The following ST3GAL3 variants were observed in gnomAD, a reference collection of about 807,000 sequenced individuals.
ST3GAL3 encodes the protein CMP-N-acetylneuraminate-beta-1,4-galactoside alpha-2,3-sialyltransferase.
ST3GAL3 carries 21 observed loss-of-function variants against 50.1 expected under a neutral mutation model. The observed-to-expected ratio is 0.42, with a 90% CI of 0.30 to 0.60. ST3GAL3 has a LOEUF of 0.60. Among genes scored for constraint, ST3GAL3 ranks in the 20% least tolerant of loss-of-function variants. ST3GAL3 has a pLI of 0.19. For synonymous variants in ST3GAL3, 183 were observed against 190.0 expected, an observed-to-expected ratio of 0.96 and a Z score of 0.30; for missense variants, 353 against 489.4, an observed-to-expected ratio of 0.72 and a Z score of 2.63.
At chr1:43,875,789 C>T (rs978042197) in intron 5 of ST3GAL3, among the ~76,000 whole-genome samples, 4 of 152,010 alleles carry the variant, frequency 2.6e-5, no homozygotes, top group Admixed American at 1.3e-4. Context: ...TTTATAGCAG[C>T]GTGAGAACAG....
At chr1:43,901,463 C>G (rs1178788906) in intron 9 of ST3GAL3, among the ~76,000 whole-genome samples, 1 of 152,238 alleles carries the variant, frequency 6.6e-6, no homozygotes, top group African/African-American at 2.4e-5. Context: ...GGTGTTATCA[C>G]ATGTTCCTTC....
chr1:43,845,522 C>A (rs1379614426), intron 5 of ST3GAL3, among the ~76,000 whole-genome samples: 1 of 152,028 alleles, frequency 6.6e-6, no homozygotes, highest in East Asian at 1.9e-4. Flanking sequence ...CATTTTTTCT[C>A]TCTTTTTCTT....
At chr1:43,863,746 T>G (rs1351425411) in intron 5 of ST3GAL3, among the ~76,000 whole-genome samples, 1 of 152,144 alleles carries the variant, frequency 6.6e-6, no homozygotes, top group Non-Finnish European at 1.5e-5. Flanking sequence ...GAGAGTGTCC[T>G]CAGCGTGTGG....
intron 5 of ST3GAL3, among the ~76,000 whole-genome samples, chr1:43,856,233 A>T (rs2068344399): frequency 6.6e-6 from 1 of 152,280 alleles, no homozygotes; most frequent in East Asian, 1.9e-4. Context: ...AGGAAGTTTC[A>T]GTGTTTTTAC....
At chr1:43,891,826 A>G (rs1309099674) in intron 5 of ST3GAL3, among the ~76,000 whole-genome samples, 1 of 152,210 alleles carries the variant, frequency 6.6e-6, no homozygotes, top group African/African-American at 2.4e-5. Context: ...TTATAGAAGT[A>G]CTGTAGCATC....
intron 5 of ST3GAL3, chr1:43,850,499 T>C: frequency 1.6e-6 from 1 of 624,046 alleles, no homozygotes; most frequent in Non-Finnish European, 3.0e-6. Context: ...TTTGGAAGCC[T>C]TTTTCCAAAA....
At chr1:43,920,192 C>T in intron 9 of ST3GAL3, 2 of 620,932 alleles carry the variant, frequency 3.2e-6, no homozygotes, top group Non-Finnish European at 2.9e-6. Context: ...ACTGGAGCCC[C>T]ACCACACGCT....
intron 4 of ST3GAL3, among the ~76,000 whole-genome samples, chr1:43,823,170 A>G (rs940864050): frequency 5.9e-5 from 9 of 152,020 alleles, no homozygotes; most frequent in Admixed American, 4.6e-4. Context: ...TCTGTGGTCT[A>G]TTTCCACACT....
At chr1:43,884,720 C>T (rs140072596) in intron 5 of ST3GAL3, among the ~76,000 whole-genome samples, 2 of 152,316 alleles carry the variant, frequency 1.3e-5, no homozygotes, top group African/African-American at 4.8e-5. Context: ...CATTGCTGGG[C>T]TCTGCCTTCC....
intron 2 of ST3GAL3, among the ~76,000 whole-genome samples, chr1:43,770,582 A>T (rs1694765992): frequency 6.6e-6 from 1 of 151,830 alleles, no homozygotes; most frequent in Non-Finnish European, 1.5e-5. Context: ...TTTTTTTGAG[A>T]TGGAGTCTCA....
At chr1:43,733,750 G>T (rs1676950691) in intron 1 of ST3GAL3, among the ~76,000 whole-genome samples, 1 of 151,832 alleles carries the variant, frequency 6.6e-6, no homozygotes, top group Non-Finnish European at 1.5e-5. Context: ...ATTTTGACTG[G>T]AATGAAACTG....
rs371156472 is a variant in ST3GAL3 at position 43,930,257 on chromosome 1, C to T, written c.*36C>T. 30 of 1,591,578 alleles carry T rather than the reference C, an allele frequency of 1.9e-5. No homozygotes were observed. The highest frequency in any genetic ancestry group is 2.5e-5 in the Non-Finnish European group (29 of 1,161,748). On this transcript the variant is annotated 3_prime_UTR_variant, in exon 12 of 12. Transcript: ENST00000347631. ...CACATGGCCATAGAGGCCCAGGCAC[C>T]ACCAGGAGCAGCAGCCAGCACCACC...
In ST3GAL3 at chr1:43,817,445, CTTCTTCT is replaced by C. The variant is rs1452480456; in HGVS notation, c.209+2528_209+2534del. Among the ~76,000 whole-genome samples, 202 of 133,582 alleles carry C rather than the reference CTTCTTCT, an allele frequency of 1.5e-3. 2 individuals carry two copies. Among genetic ancestry groups the C allele is most frequent in the Middle Eastern group, 5.0e-3 (1 of 202 alleles). 87.6% of individuals were successfully genotyped at this position (133,582 alleles called of 152,430 possible). A position where few individuals can be genotyped will look rare whatever the true frequency, so the allele number is the denominator to read the frequency against. The stretch of plus-strand genomic sequence containing the variant: ...CTCCTTCTTCTCCTTCTTCCTTCTC[CTTCTTCT>C]TTCTTCTTTCTTCTTCTCCTTCTCC... On this transcript the variant is annotated intron_variant, in intron 4 of 11. Coordinates refer to ENST00000347631, the MANE Select transcript of ST3GAL3 (RefSeq NM_006279.5).
intron 2 of ST3GAL3, among the ~76,000 whole-genome samples, chr1:43,774,455 C>T (rs924907665): frequency 4.6e-5 from 7 of 152,154 alleles, no homozygotes; most frequent in African/African-American, 1.7e-4. Flanking sequence ...GCTCCACTCT[C>T]TGGGATCTTC....
chr1:43,837,240 A>G (rs1001607413), intron 4 of ST3GAL3, among the ~76,000 whole-genome samples: 2 of 152,216 alleles, frequency 1.3e-5, no homozygotes, highest in African/African-American at 4.8e-5. Flanking sequence ...ACTTAGCCCA[A>G]TCCGAGGGTC....
intron 3 of ST3GAL3, among the ~76,000 whole-genome samples, chr1:43,809,377 G>C (rs1263736088): frequency 6.6e-6 from 1 of 152,148 alleles, no homozygotes; most frequent in African/African-American, 2.4e-5. Flanking sequence ...TAGTGAACTA[G>C]AAGATATAGC....
At chr1:43,751,638 T>G (rs550462166) in intron 2 of ST3GAL3, among the ~76,000 whole-genome samples, 193 of 152,274 alleles carry the variant, frequency 1.3e-3, no homozygotes, top group African/African-American at 4.4e-3. Context: ...TACAGATAGG[T>G]CAATCCCACA....
At chr1:43,776,758 T>C (rs2154137912) in intron 2 of ST3GAL3, among the ~76,000 whole-genome samples, 1 of 152,350 alleles carries the variant, frequency 6.6e-6, no homozygotes, top group East Asian at 1.9e-4. Flanking sequence ...TCAACAGTGA[T>C]GACAACCCAT....
At chr1:43,858,305 A>G (rs1199220396) in intron 5 of ST3GAL3, 10 of 1,274,978 alleles carry the variant, frequency 7.8e-6, no homozygotes, top group Non-Finnish European at 1.0e-5. Context: ...CTATGCTGGG[A>G]AAGGTGGGGC....
Sources: gnomAD v4.1 joint callset for allele counts (sites outside exome capture counted in the v4.1 genomes callset) on GRCh38, gnomAD v4.1.1 for gene constraint, MANE v1.5 for transcripts, NCBI Gene and HGNC (gene_info 2026-07-23, HGNC 2026-07-21) for gene names.